Variants in CFAP52 observed in about 807,000 individuals in gnomAD.
CFAP52 encodes the protein cilia and flagella associated protein 52, also known as cilia- and flagella-associated protein 52.
In CFAP52, 57 loss-of-function variants were observed where a neutral mutation model predicts 70.5. The ratio of observed to expected loss-of-function variants is 0.81; its 90% CI spans 0.65 to 1.01. CFAP52 has a LOEUF of 1.01. CFAP52 is among the 50% of genes least tolerant of loss of function. CFAP52 has a pLI of 0.00. For missense variants in CFAP52, 785 were observed against 788.5 expected (o/e 1.00, Z 0.05); for synonymous variants, 267 against 292.5 (o/e 0.91, Z 0.89).
At chr17:9,630,849 G>A (rs533630474) in intron 9 of CFAP52, among the ~76,000 whole-genome samples, 59 of 150,250 alleles carry the variant, frequency 3.9e-4, no homozygotes, top group African/African-American at 1.3e-3. Context: ...AGCCGGGCGT[G>A]GTGGCGGGAG....
intron 6 of CFAP52, among the ~76,000 whole-genome samples, chr17:9,603,514 T>G (rs746183243): frequency 6.6e-6 from 1 of 152,124 alleles, no homozygotes; most frequent in Non-Finnish European, 1.5e-5. Flanking sequence ...CGGCCCTAAG[T>G]AGATATTTCA....
chr17:9,584,632 A>G (rs1459145666), intron 1 of CFAP52, among the ~76,000 whole-genome samples: 2 of 151,000 alleles, frequency 1.3e-5, no homozygotes, highest in Non-Finnish European at 2.9e-5. Context: ...TTATTTGTTC[A>G]TTTTTTGAGA....
At chr17:9,598,993 TG>T (rs1257428282) in intron 5 of CFAP52, among the ~76,000 whole-genome samples, 3 of 152,226 alleles carry the variant, frequency 2.0e-5, no homozygotes, top group Non-Finnish European at 4.4e-5. Context: ...ATAAAGTTTC[TG>T]ACCATGAAAT....
Position 9,625,529 on chromosome 17 carries a change from C to A in CFAP52, c.1026-3143C>A, listed in dbSNP as rs143190154. ...GGTTCTCTTGCCACTAGGATATTCC[C>A]CCTTTAAATTCCAGCTGATTTTCTA... On this transcript the variant is annotated intron_variant, in intron 8 of 13. Transcript: ENST00000352665. Among the ~76,000 whole-genome samples, 853 of 152,002 alleles carry A rather than the reference C, an allele frequency of 5.6e-3. 7 individuals are homozygous for A. Among genetic ancestry groups the A allele is most frequent in the Admixed American group, 0.01 (160 of 15,260 alleles).
intron 6 of CFAP52, among the ~76,000 whole-genome samples, chr17:9,603,086 T>G (rs1265834503): frequency 6.6e-6 from 1 of 152,198 alleles, no homozygotes; most frequent in Non-Finnish European, 1.5e-5. Flanking sequence ...ATTTTTTGTT[T>G]TGTTTTGTTT....
chr17:9,622,251 A>C (rs1043615843), intron 8 of CFAP52, among the ~76,000 whole-genome samples: 3 of 152,174 alleles, frequency 2.0e-5, no homozygotes, highest in African/African-American at 7.2e-5. Context: ...ATCTATATAC[A>C]GAAAATATGG....
intron 8 of CFAP52, among the ~76,000 whole-genome samples, chr17:9,616,311 C>T (rs978887942): frequency 7.9e-6 from 1 of 126,446 alleles, no homozygotes; most frequent in Admixed American, 8.0e-5. Context: ...AACGGCGCAC[C>T]ACGAGACTAT....
At chr17:9,636,253 G>GAA (rs57881423) in intron 11 of CFAP52, among the ~76,000 whole-genome samples, 2,965 of 107,606 alleles carry the variant, frequency 0.028, 203 homozygotes, top group East Asian at 0.059. Context: ...GAAAGAAAGA[G>GAA]AAAGAAAAAT....
chr17:9,583,792 T>C (rs979357330), intron 1 of CFAP52, among the ~76,000 whole-genome samples: 2 of 152,214 alleles, frequency 1.3e-5, no homozygotes, highest in African/African-American at 2.4e-5. Context: ...CCTGGGTCTG[T>C]TTCATATTAA....
intron 8 of CFAP52, among the ~76,000 whole-genome samples, chr17:9,623,985 G>A (rs1012633934): frequency 6.6e-6 from 1 of 151,942 alleles, no homozygotes; most frequent in Non-Finnish European, 1.5e-5. Context: ...ATTCTTGCCC[G>A]ATTATTTTCT....
At chr17:9,604,584 A>G (rs1909404411) in intron 6 of CFAP52, among the ~76,000 whole-genome samples, 1 of 151,800 alleles carries the variant, frequency 6.6e-6, no homozygotes. Flanking sequence ...CGGGGCCAAC[A>G]TGGTGAAACC....
At chr17:9,615,792 A>ATTTTT (rs1491142882) in intron 8 of CFAP52, among the ~76,000 whole-genome samples, 1 of 88,294 alleles carries the variant, frequency 1.1e-5, no homozygotes, top group African/African-American at 5.2e-5. Flanking sequence ...CAAAAAAAAA[A>ATTTTT]TTCTTTTTTT....
At chr17:9,599,797 A>G (rs1909182722) in intron 5 of CFAP52, among the ~76,000 whole-genome samples, 1 of 151,758 alleles carries the variant, frequency 6.6e-6, no homozygotes, top group Non-Finnish European at 1.5e-5. Flanking sequence ...GCTGGAGTGC[A>G]ATGGCACAAT....
intron 8 of CFAP52, among the ~76,000 whole-genome samples, chr17:9,627,489 G>A (rs186533411): frequency 9.9e-5 from 15 of 152,172 alleles, no homozygotes; most frequent in Admixed American, 7.9e-4. Context: ...AGGCAACAGA[G>A]TGAGACTCCA....
chr17:9,588,527 C>T (rs1462268484), intron 3 of CFAP52, among the ~76,000 whole-genome samples: 2 of 152,100 alleles, frequency 1.3e-5, no homozygotes, highest in African/African-American at 4.8e-5. Context: ...AATCATCTTC[C>T]ACCTGCCTAC....
chr17:9,631,048 GAGAGAGAAAGAAAGAAAGAA>G (rs1910492240), intron 9 of CFAP52, among the ~76,000 whole-genome samples: 2 of 19,852 alleles, frequency 1.0e-4, no homozygotes, highest in Admixed American at 5.5e-4. Context: ...GAGAGAGAGA[GAGAGAGAAAGAAAGAAAGAA>G]AGAAAGAAAG....
intron 5 of CFAP52, 77 bp downstream of exon 5, chr17:9,598,410 G>A: frequency 8.3e-7 from 1 of 1,208,110 alleles, no homozygotes. Context: ...GTTTGTGTGT[G>A]TGTACATGGG....
intron 12 of CFAP52, among the ~76,000 whole-genome samples, chr17:9,640,640 C>T (rs1301714587): frequency 6.6e-6 from 1 of 151,944 alleles, no homozygotes; most frequent in East Asian, 1.9e-4. Flanking sequence ...TAAGTTTATT[C>T]TGTTTTTTTT....
At chr17:9,584,218 T>C (rs1461548006) in intron 1 of CFAP52, 4 of 1,258,596 alleles carry the variant, frequency 3.2e-6, no homozygotes, top group Non-Finnish European at 4.1e-6. Flanking sequence ...GTGAATAAAC[T>C]ACCAACTCAA....
Sources: gnomAD v4.1 joint callset for allele counts (sites outside exome capture counted in the v4.1 genomes callset) on GRCh38, gnomAD v4.1.1 for gene constraint, MANE v1.5 for transcripts, NCBI Gene and HGNC (gene_info 2026-07-23, HGNC 2026-07-21) for gene names.